Variants in SLIRP observed in about 807,000 individuals in gnomAD.
SLIRP encodes the protein SRA stem-loop interacting RNA binding protein.
A neutral mutation model predicts 13.4 loss-of-function variants in SLIRP; 12 were observed. The observed-to-expected ratio is 0.89, with a 90% CI of 0.57 to 1.45. The LOEUF is 1.45. Among genes scored for constraint, SLIRP ranks in the 40% most tolerant of loss-of-function variants. The pLI is 0.00. For synonymous variants in SLIRP, 55 were observed against 47.1 expected (o/e 1.17, Z -0.69); for missense variants, 154 against 132.2 (o/e 1.17, Z -0.81).
chr14:77,716,524 G>A (rs1013269858), intron 3 of SLIRP, among the ~76,000 whole-genome samples: 3 of 149,690 alleles, frequency 2.0e-5, no homozygotes, highest in Non-Finnish European at 4.5e-5. Flanking sequence ...GGTGGCACAT[G>A]CCTGTAGTCC....
At chr14:77,713,844 A>G (rs1043058255) in intron 2 of SLIRP, among the ~76,000 whole-genome samples, 1 of 152,166 alleles carries the variant, frequency 6.6e-6, no homozygotes. Context: ...TTAAATAAAA[A>G]GTTCCTTGCA....
chr14:77,712,275 C>CTTTTT (rs35035208), intron 2 of SLIRP, among the ~76,000 whole-genome samples: 6 of 137,402 alleles, frequency 4.4e-5, no homozygotes, highest in African/African-American at 1.6e-4. Flanking sequence ...GGCAAAATTC[C>CTTTTT]TTTTTTTTTT....
chr14:77,714,290 G>A (rs1272047719), intron 2 of SLIRP, among the ~76,000 whole-genome samples: 5 of 151,940 alleles, frequency 3.3e-5, no homozygotes, highest in Non-Finnish European at 5.9e-5. Flanking sequence ...ACAGGCATGA[G>A]CCACCACACC....
chr14:77,712,163 C>T (rs972306761), intron 2 of SLIRP: 3 of 152,150 alleles, frequency 2.0e-5, no homozygotes, highest in Non-Finnish European at 2.9e-5. Context: ...TCCTTAGGAT[C>T]TCACATAGCT....
Position 77,713,902 on chromosome 14 carries a change from A to C in SLIRP, c.157-1870A>C, listed in dbSNP as rs545644498. 1.7e-4 allele frequency among the ~76,000 whole-genome samples: 26 copies of C among 152,376 alleles called. 1 individual carries two copies. In the South Asian group the frequency reaches 4.6e-3, roughly 27 times the overall value. ...GGTCCATAAATAAAATAGGACCTGC[A>C]AAGAATAGATCTTAGATTTAAATAA... On this transcript the variant is annotated intron_variant, in intron 2 of 3. Coordinates refer to ENST00000557342, the MANE Select transcript of SLIRP (RefSeq NM_031210.6).
intron 1 of SLIRP, 34 bp from the exon 2 acceptor site, chr14:77,710,804 G>A (rs2080433784): frequency 6.2e-7 from 1 of 1,613,334 alleles, no homozygotes; most frequent in Non-Finnish European, 8.5e-7. Context: ...CCAAAATATA[G>A]TAACTACTTT....
rs1170761264 is a variant in SLIRP at position 77,710,671 on chromosome 14, T to C, written c.98-167T>C. 1 of 1,544,974 alleles carries C rather than the reference T, an allele frequency of 6.5e-7. No individual in the cohort carries two copies. The highest frequency in any genetic ancestry group is 8.7e-7 in the Non-Finnish European group (1 of 1,148,578). Reference sequence around the variant, plus strand: ...CCATCTCACCACCAAGTCTGGTACATTATGGCTTTATAGTCAGTACCATAG... The same window carrying C: ...CCATCTCACCACCAAGTCTGGTACACTATGGCTTTATAGTCAGTACCATAG... On this transcript the variant is annotated intron_variant, in intron 1 of 3. Transcript: ENST00000557342.
intron 3 of SLIRP, chr14:77,716,268 G>C (rs2080477983): frequency 6.3e-6 from 1 of 159,826 alleles, no homozygotes; most frequent in Admixed American, 6.2e-5. Context: ...AGTGAGCCGA[G>C]ATTGCGCCAC....
At chr14:77,708,622 C>A (rs1406459253) in intron 1 of SLIRP, among the ~76,000 whole-genome samples, 1 of 152,132 alleles carries the variant, frequency 6.6e-6, no homozygotes, top group African/African-American at 2.4e-5. Context: ...TGGTCAGATG[C>A]ATTAATGTTT....
chr14:77,708,343 A>C, intron 1 of SLIRP, 135 bp downstream of exon 1: 1 of 871,732 alleles, frequency 1.1e-6, no homozygotes. Context: ...AGTGAGCAGA[A>C]AGAAATTTTG....
intron 1 of SLIRP, among the ~76,000 whole-genome samples, chr14:77,708,482 T>C (rs144440459): frequency 1.1e-3 from 161 of 152,298 alleles, no homozygotes; most frequent in Middle Eastern, 6.8e-3. Context: ...TTAGAAGGGA[T>C]AATTTTGACT....
At chr14:77,716,083 G>A (rs1284252971) in intron 3 of SLIRP, 14 of 424,994 alleles carry the variant, frequency 3.3e-5, no homozygotes, top group South Asian at 6.2e-5. Context: ...TTGGGAGGCC[G>A]AGGCGGGCGG....
intron 1 of SLIRP, among the ~76,000 whole-genome samples, chr14:77,710,338 C>T (rs1394432160): frequency 1.3e-5 from 2 of 152,186 alleles, no homozygotes; most frequent in Non-Finnish European, 2.9e-5. Flanking sequence ...AGAGGGTAAC[C>T]CGCAGGACAG....
chr14:77,709,677 A>G (rs754047405), intron 1 of SLIRP, among the ~76,000 whole-genome samples: 1 of 152,166 alleles, frequency 6.6e-6, no homozygotes, highest in African/African-American at 2.4e-5. Flanking sequence ...ATTTTAGGCA[A>G]TTTAGGAAGA....
chr14:77,716,642 CAAAAAA>C (rs56736320), intron 3 of SLIRP, among the ~76,000 whole-genome samples: 4 of 80,972 alleles, frequency 4.9e-5, no homozygotes, highest in Admixed American at 4.6e-4. Context: ...AACTCCATCT[CAAAAAA>C]AAAAAAAAAA....
At chr14:77,715,375 G>T (rs1454028467) in intron 2 of SLIRP, among the ~76,000 whole-genome samples, 1 of 152,174 alleles carries the variant, frequency 6.6e-6, no homozygotes, top group Non-Finnish European at 1.5e-5. Flanking sequence ...TGGGCATGGT[G>T]GCTTATGCCT....
At chr14:77,708,899 C>T (rs374710063) in intron 1 of SLIRP, among the ~76,000 whole-genome samples, 1 of 152,172 alleles carries the variant, frequency 6.6e-6, no homozygotes, top group African/African-American at 2.4e-5. Flanking sequence ...AGAATTCCAA[C>T]TTGGCCATTT....
intron 1 of SLIRP, chr14:77,710,527 CTT>C: frequency 7.6e-7 from 1 of 1,313,956 alleles, no homozygotes; most frequent in East Asian, 3.9e-5. Context: ...TGTAATTTGT[CTT>C]TTTCTTCATT....
chr14:77,709,349 G>C (rs1253986747), intron 1 of SLIRP, among the ~76,000 whole-genome samples: 1 of 152,210 alleles, frequency 6.6e-6, no homozygotes, highest in Non-Finnish European at 1.5e-5. Flanking sequence ...TAGTGGCTCA[G>C]ATGTGAGTAG....
Sources: gnomAD v4.1 joint callset for allele counts (sites outside exome capture counted in the v4.1 genomes callset) on GRCh38, gnomAD v4.1.1 for gene constraint, MANE v1.5 for transcripts, NCBI Gene and HGNC (gene_info 2026-07-23, HGNC 2026-07-21) for gene names.